Variants in ARFGEF2 observed in about 807,000 individuals in gnomAD.
ARFGEF2 encodes the protein ARF guanine nucleotide exchange factor 2.
ARFGEF2 carries 74 observed loss-of-function variants against 219.9 expected under a neutral mutation model. The observed-to-expected ratio is 0.34, with a 90% confidence interval of 0.28 to 0.41. The LOEUF (loss-of-function observed/expected upper bound fraction) is 0.41, where lower values mean the gene tolerates loss of function less well. Ranked by LOEUF, ARFGEF2 falls within the 10% of genes least tolerant of loss-of-function variation. ARFGEF2 has a pLI of 1.00. For synonymous variants in ARFGEF2, 733 were observed against 799.2 expected (o/e 0.92, Z 1.40); for missense variants, 1,743 against 2,218.3 (o/e 0.79, Z 4.30).
chr20:48,964,469 A>G (rs751243974), intron 7 of ARFGEF2, among the ~76,000 whole-genome samples: 8 of 152,242 alleles, frequency 5.3e-5, no homozygotes, highest in Non-Finnish European at 1.0e-4. Context: ...GCCAAGGGCC[A>G]TTCCATATGC....
At chr20:48,942,027 C>G (rs757018995) in intron 3 of ARFGEF2, 40 bp downstream of exon 3, 2 of 1,612,722 alleles carry the variant, frequency 1.2e-6, no homozygotes, top group Non-Finnish European at 1.7e-6. Flanking sequence ...GGGGTTCTCT[C>G]CAAGCCACAG....
intron 8 of ARFGEF2, among the ~76,000 whole-genome samples, chr20:48,968,285 G>T (rs6019562): frequency 0.32 from 48,231 of 151,362 alleles, 7,888 homozygotes; most frequent in East Asian, 0.48. Context: ...GAGCCACCGT[G>T]CCTGGCCAAA....
intron 3 of ARFGEF2, among the ~76,000 whole-genome samples, chr20:48,943,553 C>T (rs1169068646): frequency 2.0e-5 from 3 of 152,092 alleles, no homozygotes; most frequent in Non-Finnish European, 2.9e-5. Flanking sequence ...TTTCTGATTA[C>T]CCCAAAGAAC....
rs2273102 is a variant in ARFGEF2 at position 48,972,585 on chromosome 20, T to C, written c.1525+160T>C. The stretch of plus-strand genomic sequence containing the variant: ...GCCCCACCTCTCCTTTTTTAGAGGA[T>C]GACCAACTTAGGCTGGTTTGCCAAG... On this transcript the variant is annotated intron_variant, in intron 11 of 38. Transcript: ENST00000371917. 0.31 allele frequency among the ~76,000 whole-genome samples: 46,415 copies of C among 152,076 alleles called. 7,384 individuals carry two copies. Among genetic ancestry groups the C allele is most frequent in the East Asian group, 0.47 (2,445 of 5,164 alleles).
chr20:48,951,090 G>A, intron 3 of ARFGEF2, among the ~76,000 whole-genome samples: 1 of 151,848 alleles, frequency 6.6e-6, no homozygotes, highest in Admixed American at 6.6e-5. Flanking sequence ...ACTGGGGAGT[G>A]CTCTATACCT....
At chr20:49,023,876 G>T (rs966780909) in intron 35 of ARFGEF2, among the ~76,000 whole-genome samples, 1 of 152,282 alleles carries the variant, frequency 6.6e-6, no homozygotes, top group East Asian at 1.9e-4. Flanking sequence ...AGGAGGAAAA[G>T]ATATATATAA....
At chr20:48,940,049 T>G (rs1379060732) in intron 1 of ARFGEF2, among the ~76,000 whole-genome samples, 3 of 152,104 alleles carry the variant, frequency 2.0e-5, no homozygotes, top group Non-Finnish European at 2.9e-5. Flanking sequence ...CTCAACTGAG[T>G]GGATGTGGGG....
At chr20:49,007,592 C>CTT (rs752508908) in intron 26 of ARFGEF2, among the ~76,000 whole-genome samples, 1,116 of 97,794 alleles carry the variant, frequency 0.011, 21 homozygotes, top group African/African-American at 0.032. Flanking sequence ...CCTGGTGTTG[C>CTT]TTTTTTTTTT....
At chr20:48,933,443 A>G (rs1295403227) in intron 1 of ARFGEF2, among the ~76,000 whole-genome samples, 1 of 23,222 alleles carries the variant, frequency 4.3e-5, no homozygotes, top group African/African-American at 2.0e-4. Flanking sequence ...TAAAACAGTT[A>G]ATGGATGATT....
intron 6 of ARFGEF2, among the ~76,000 whole-genome samples, chr20:48,955,394 T>C (rs1327156171): frequency 2.0e-5 from 3 of 152,194 alleles, no homozygotes; most frequent in Non-Finnish European, 2.9e-5. Context: ...TTTTTTTCCA[T>C]AGTACTTACA....
chr20:49,011,390 G>A (rs1428812895), intron 27 of ARFGEF2, among the ~76,000 whole-genome samples: 1 of 152,172 alleles, frequency 6.6e-6, no homozygotes, highest in Non-Finnish European at 1.5e-5. Context: ...AATGAGAACA[G>A]ACTATCTCAT....
intron 20 of ARFGEF2, among the ~76,000 whole-genome samples, chr20:48,990,654 A>G (rs1021887809): frequency 1.3e-5 from 2 of 152,228 alleles, no homozygotes; most frequent in Non-Finnish European, 2.9e-5. Flanking sequence ...TGGCTCAGCT[A>G]AAGTCTCTCT....
intron 3 of ARFGEF2, among the ~76,000 whole-genome samples, chr20:48,945,103 A>C (rs1410386233): frequency 3.9e-5 from 6 of 152,104 alleles, no homozygotes; most frequent in Non-Finnish European, 5.9e-5. Flanking sequence ...CTTAGAGGAC[A>C]CTAATCCTGT....
At chr20:49,014,868 C>A (rs188994173) in intron 30 of ARFGEF2, among the ~76,000 whole-genome samples, 562 of 152,222 alleles carry the variant, frequency 3.7e-3, no homozygotes, top group Non-Finnish European at 6.1e-3. Flanking sequence ...AACTACAGAA[C>A]ACAGACAAAA....
intron 3 of ARFGEF2, among the ~76,000 whole-genome samples, chr20:48,942,861 G>A (rs779826609): frequency 3.2e-4 from 49 of 152,102 alleles, no homozygotes; most frequent in Admixed American, 5.2e-4. Context: ...ACAGGGTTAG[G>A]TTCCTGCAAG....
Position 49,011,942 on chromosome 20 carries a change from A to G in ARFGEF2, c.3776A>G (p.His1259Arg), listed in dbSNP as rs1487149640. ...CHIVTTIFQHHFPAAIDSFQD... is the reference protein window; with the variant it reads ...CHIVTTIFQHRFPAAIDSFQD... The stretch of plus-strand genomic sequence containing the variant: ...CCCCCAGCAACTATTTTCCAGCACC[A>G]TTTTCCTGCAGCCATCGATTCCTTT... The change falls in exon 28 of 39, where the codon CAT becomes CGT. Residue 1259 changes from histidine (H) to arginine (R), a missense_variant. Around this residue, in one of 5 missense-constraint regions of ARFGEF2, gnomAD observed 578 missense variants for 664.0 expected, o/e 0.87. Coordinates refer to ENST00000371917, the MANE Select transcript of ARFGEF2 (RefSeq NM_006420.3). 1.2e-5 allele frequency: 19 copies of G among 1,613,950 alleles called. No homozygotes were observed. The highest frequency in any genetic ancestry group is 1.5e-5 in the Non-Finnish European group (18 of 1,180,022).
chr20:48,975,261 C>T (rs1390498826), intron 13 of ARFGEF2, among the ~76,000 whole-genome samples: 3 of 152,138 alleles, frequency 2.0e-5, no homozygotes, highest in Non-Finnish European at 4.4e-5. Flanking sequence ...TAGCTCACTG[C>T]AGCCTTAAAC....
intron 26 of ARFGEF2, among the ~76,000 whole-genome samples, chr20:49,005,917 A>T (rs900422084): frequency 3.3e-5 from 5 of 152,030 alleles, no homozygotes; most frequent in Admixed American, 6.6e-5. Flanking sequence ...GGGCCCTGTG[A>T]AGCAGCCGTA....
rs762333042 is a variant in ARFGEF2, at chr20:48,952,700, T to C, written c.424-5T>C. 4.3e-6 allele frequency: 7 copies of C among 1,614,180 alleles called. No homozygotes were observed. The South Asian group carries it at 7.7e-5, about 18-fold the overall frequency. On this transcript the variant is annotated splice_polypyrimidine_tract_variant and splice_region_variant and intron_variant, in intron 4 of 38. Transcript: ENST00000371917. ...GATGGTGAAGGTCGCGGATTTCTAT[T>C]TTAGGCTCTTCTGACTGCAGTGACT...
Sources: allele counts gnomAD v4.1 joint callset (sites outside exome capture counted in the v4.1 genomes callset), GRCh38; gene constraint gnomAD v4.1.1; regional missense constraint gnomAD v4.1.1; transcripts MANE v1.5; gene names NCBI Gene and HGNC (gene_info 2026-07-23, HGNC 2026-07-21).